The following PPARGC1A variants were observed in gnomAD, a reference collection of about 807,000 sequenced individuals.
PPARGC1A encodes the protein peroxisome proliferator-activated receptor gamma coactivator 1-alpha.
In PPARGC1A, 25 loss-of-function variants were observed where a neutral mutation model predicts 88.7. The observed-to-expected ratio is 0.28, with a 90% CI of 0.21 to 0.39. The LOEUF (loss-of-function observed/expected upper bound fraction) is 0.39. Among genes scored for constraint, PPARGC1A ranks in the 10% least tolerant of loss-of-function variants. The probability of loss-of-function intolerance (pLI) is 1.00; values close to 1 mark genes in which losing one functional copy is unlikely to be tolerated. For synonymous variants in PPARGC1A, 363 were observed against 355.6 expected (o/e 1.02, Z -0.24); for missense variants, 880 against 968.7 (o/e 0.91, Z 1.22).
chr4:23,975,938 A>G, the PPARGC1A span, among the ~76,000 whole-genome samples: 2 of 152,270 alleles, frequency 1.3e-5, no homozygotes. Flanking sequence ...ACTACTGGAT[A>G]TGGTTGTTGC....
At chr4:24,137,122 A>G in the PPARGC1A span, among the ~76,000 whole-genome samples, 2 of 151,922 alleles carry the variant, frequency 1.3e-5, no homozygotes, top group South Asian at 2.1e-4. Flanking sequence ...TCAAAAAAAA[A>G]AAAAAAAAAA....
the PPARGC1A span, among the ~76,000 whole-genome samples, chr4:23,928,424 ATTG>A: frequency 6.6e-6 from 1 of 152,202 alleles, no homozygotes; most frequent in Admixed American, 6.5e-5. Context: ...CAGAGTAGTG[ATTG>A]TTATTAAAAA....
At position 23,801,748 on chromosome 4, in the gene PPARGC1A, A is replaced by G. The variant is rs746663835; in HGVS notation, c.2275T>C (p.Ser759Pro). 2 of 1,613,996 alleles carry G rather than the reference A, an allele frequency of 1.2e-6. No homozygotes were observed. Among genetic ancestry groups the G allele is most frequent in the Admixed American group, 3.3e-5 (2 of 60,010 alleles). Reference sequence around the variant, plus strand: ...TCCATACCTAGGTCTGCATAGTTAGACTTGAAAAATTGCTTGCGTCCACAA... The same window carrying G: ...TCCATACCTAGGTCTGCATAGTTAGGCTTGAAAAATTGCTTGCGTCCACAA... ...YFCGRKQFFK[S>P]NYADLDSNSD... Residue 759 changes from serine to proline, a missense_variant, in exon 12 of 13, where the codon TCT (serine) becomes CCT (proline). Coordinates refer to ENST00000264867, the MANE Select transcript of PPARGC1A (RefSeq NM_013261.5).
chr4:24,042,489 T>C, the PPARGC1A span, among the ~76,000 whole-genome samples: 843 of 152,342 alleles, frequency 5.5e-3, 8 homozygotes, highest in African/African-American at 0.019. Context: ...ATTTAAAGTG[T>C]ACTGCATAAT....
chr4:24,336,926 A>G, the PPARGC1A span, among the ~76,000 whole-genome samples: 1 of 152,114 alleles, frequency 6.6e-6, no homozygotes, highest in African/African-American at 2.4e-5. Flanking sequence ...ATTTAAAATA[A>G]TAATAAATAA....
chr4:23,844,927 AG>A (rs1728041212), intron 2 of PPARGC1A, among the ~76,000 whole-genome samples: 1 of 145,968 alleles, frequency 6.9e-6, no homozygotes, highest in Admixed American at 7.2e-5. Context: ...TAGCATTTGG[AG>A]CAGCAAAGCA....
chr4:24,404,218 G>A, the PPARGC1A span, among the ~76,000 whole-genome samples: 164 of 152,102 alleles, frequency 1.1e-3, 1 homozygote, highest in East Asian at 0.029. Flanking sequence ...AGCCGAGATC[G>A]CGCCACCGCA....
the PPARGC1A span, among the ~76,000 whole-genome samples, chr4:24,324,747 C>T: frequency 6.6e-6 from 1 of 152,168 alleles, no homozygotes; most frequent in Non-Finnish European, 1.5e-5. Context: ...TTCTTTTACA[C>T]ATCAGTCCCT....
chr4:24,004,916 T>C, the PPARGC1A span, among the ~76,000 whole-genome samples: 3 of 152,174 alleles, frequency 2.0e-5, no homozygotes, highest in Non-Finnish European at 4.4e-5. Context: ...CAGGGTCATG[T>C]GTATAAGGCC....
At chr4:24,039,346 A>G in the PPARGC1A span, among the ~76,000 whole-genome samples, 1 of 152,172 alleles carries the variant, frequency 6.6e-6, no homozygotes, top group African/African-American at 2.4e-5. Flanking sequence ...CTTACGAGAA[A>G]TATAATGTCT....
the PPARGC1A span, among the ~76,000 whole-genome samples, chr4:23,988,162 A>G: frequency 1.3e-5 from 2 of 152,086 alleles, no homozygotes; most frequent in Admixed American, 6.6e-5. Flanking sequence ...TATATGTGCT[A>G]CATTTTCTTT....
the PPARGC1A span, among the ~76,000 whole-genome samples, chr4:23,980,765 A>G: frequency 2.0e-5 from 3 of 152,154 alleles, no homozygotes; most frequent in Admixed American, 2.0e-4. Context: ...CACCTCTGAT[A>G]GCAGGTTCTG....
the PPARGC1A span, among the ~76,000 whole-genome samples, chr4:24,186,110 C>T: frequency 6.6e-6 from 1 of 152,026 alleles, no homozygotes; most frequent in East Asian, 1.9e-4. Context: ...CAATGATCAG[C>T]CCTACAAACT....
chr4:23,979,756 G>A, the PPARGC1A span, among the ~76,000 whole-genome samples: 1 of 152,188 alleles, frequency 6.6e-6, no homozygotes, highest in African/African-American at 2.4e-5. Flanking sequence ...CCATTTGGAT[G>A]GTTTTGCTTC....
chr4:24,288,703 C>T, the PPARGC1A span, among the ~76,000 whole-genome samples: 2 of 151,882 alleles, frequency 1.3e-5, no homozygotes, highest in African/African-American at 4.8e-5. Context: ...CATTTTTCTA[C>T]AAGAACAAGA....
the PPARGC1A span, among the ~76,000 whole-genome samples, chr4:23,969,399 A>G: frequency 6.6e-6 from 1 of 152,186 alleles, no homozygotes; most frequent in Non-Finnish European, 1.5e-5. Flanking sequence ...CCTTCCCAGC[A>G]TCACTAAACT....
At chr4:24,061,213 A>G in the PPARGC1A span, among the ~76,000 whole-genome samples, 1 of 152,190 alleles carries the variant, frequency 6.6e-6, no homozygotes, top group Non-Finnish European at 1.5e-5. Flanking sequence ...AAACGGATCC[A>G]GTTTTCACTG....
At chr4:23,803,691 T>C (rs561944026) in intron 10 of PPARGC1A, among the ~76,000 whole-genome samples, 1 of 152,196 alleles carries the variant, frequency 6.6e-6, no homozygotes, top group Non-Finnish European at 1.5e-5. Flanking sequence ...AACTAGTTTG[T>C]ATGTATACTA....
intron 2 of PPARGC1A, among the ~76,000 whole-genome samples, chr4:23,835,933 C>T (rs1286852682): frequency 6.6e-6 from 1 of 152,060 alleles, no homozygotes; most frequent in Admixed American, 6.6e-5. Context: ...TTGCTTTGGT[C>T]CCAATTTACA....
Sources: allele counts gnomAD v4.1 joint callset (sites outside exome capture counted in the v4.1 genomes callset), GRCh38; gene constraint gnomAD v4.1.1; transcripts MANE v1.5; gene names NCBI Gene and HGNC (gene_info 2026-07-23, HGNC 2026-07-21).